The following FAP variants were observed in gnomAD, a reference collection of about 807,000 sequenced individuals.
The protein encoded by FAP is fibroblast activation protein alpha, also known as prolyl endopeptidase FAP.
FAP carries 110 observed loss-of-function variants against 126.5 expected under a neutral mutation model. The observed-to-expected ratio is 0.87, with a 90% CI of 0.74 to 1.02. The LOEUF (loss-of-function observed/expected upper bound fraction) is 1.02. Ranked by LOEUF, FAP falls within the 50% of genes least tolerant of loss-of-function variation. The probability of loss-of-function intolerance (pLI) is 0.00; values close to 1 mark genes in which losing one functional copy is unlikely to be tolerated. For synonymous variants in FAP, 334 were observed against 297.3 expected (o/e 1.12, Z -1.27); for missense variants, 919 against 909.2 (o/e 1.01, Z -0.14).
At chr2:162,230,399 A>G (rs1488568715) in intron 2 of FAP, among the ~76,000 whole-genome samples, 1 of 151,886 alleles carries the variant, frequency 6.6e-6, no homozygotes, top group African/African-American at 2.4e-5. Context: ...TTTATGTGGC[A>G]AAGAATTGTA....
intron 12 of FAP, among the ~76,000 whole-genome samples, 163 bp from the exon 13 acceptor site, chr2:162,203,308 T>C (rs185452922): frequency 6.6e-6 from 1 of 152,344 alleles, no homozygotes. Flanking sequence ...TTCTTTCAGA[T>C]AAACAGCTTA....
At chr2:162,189,304 A>G in intron 18 of FAP, 132 bp from the exon 19 acceptor site, 1 of 503,914 alleles carries the variant, frequency 2.0e-6, no homozygotes, top group Non-Finnish European at 3.4e-6. Flanking sequence ...GGATATATTT[A>G]AAAGTAACTT....
At position 162,210,018 on chromosome 2, in the gene FAP, C is replaced by T. The variant is rs181760422; in HGVS notation, c.1003-22G>A. ...GGGTCTAAAAGACAAAAGATCACAT[C>T]GAACATAGTATTAGGAGAACATTTT... is the stretch of plus-strand genomic sequence containing the variant. On this transcript the variant is annotated intron_variant, in intron 11 of 25. Transcript: ENST00000188790. 155 of 1,607,320 alleles carry T rather than the reference C, an allele frequency of 9.6e-5. 1 individual carries two copies. The African/African-American group carries it at 1.7e-3, about 18-fold the overall frequency.
At chr2:162,178,698 TC>T (rs555362066) in intron 21 of FAP, among the ~76,000 whole-genome samples, 205 of 152,302 alleles carry the variant, frequency 1.3e-3, no homozygotes, top group African/African-American at 4.6e-3. Flanking sequence ...TTTCTTGAAC[TC>T]GATAATGGAG....
chr2:162,241,723 A>G (rs891155988), intron 2 of FAP, among the ~76,000 whole-genome samples: 3 of 152,188 alleles, frequency 2.0e-5, no homozygotes, highest in Non-Finnish European at 4.4e-5. Context: ...GAGTCTGAAA[A>G]CAATTTTAAC....
intron 2 of FAP, among the ~76,000 whole-genome samples, chr2:162,234,997 G>C (rs564557807): frequency 9.2e-5 from 14 of 152,126 alleles, no homozygotes; most frequent in Non-Finnish European, 7.4e-5. Context: ...CAGCAGCTGC[G>C]GAGGGCGAAC....
At chr2:162,195,391 C>A (rs1458108579) in intron 16 of FAP, among the ~76,000 whole-genome samples, 2 of 151,716 alleles carry the variant, frequency 1.3e-5, no homozygotes, top group Non-Finnish European at 2.9e-5. Flanking sequence ...ACATAGAGAC[C>A]CCTAGATAGC....
chr2:162,194,802 T>C, intron 16 of FAP, 54 bp from the exon 17 acceptor site: 3 of 1,496,700 alleles, frequency 2.0e-6, no homozygotes, highest in Non-Finnish European at 2.8e-6. Flanking sequence ...AACAATTCCT[T>C]TTCAAGACGG....
In FAP at chr2:162,197,307, C is replaced by T. The variant is rs574567022; in HGVS notation, c.1402+1450G>A. On this transcript the variant is annotated intron_variant, in intron 16 of 25. Transcript: ENST00000188790. The stretch of plus-strand genomic sequence containing the variant: ...TTAAAAGAATGTAGCCCCTGCCTTC[C>T]AGGAGAAAAAGATAGATAAACAGAT... 3.3e-5 allele frequency among the ~76,000 whole-genome samples: 5 copies of T among 152,242 alleles called. No homozygotes were observed. In the East Asian group the frequency reaches 9.7e-4, roughly 29 times the overall value.
chr2:162,240,901 C>T (rs141041906), intron 2 of FAP, among the ~76,000 whole-genome samples: 402 of 152,158 alleles, frequency 2.6e-3, no homozygotes, highest in African/African-American at 9.2e-3. Flanking sequence ...GCACTCCAGA[C>T]GGGAGATGAT....
In FAP at chr2:162,219,900, G is replaced by A. The variant is rs1222599559; in HGVS notation, c.439C>T (p.Pro147Ser). The A allele has an allele frequency of 6.2e-7, 1 of 1,612,596 alleles. No homozygotes were observed. The highest frequency in any genetic ancestry group is 1.7e-5 in the Admixed American group (1 of 59,958). Reference sequence around the variant, plus strand: ...CAGCATAAATACTGAATTGGACGAGGAAGCTCATTTCCTCTTACAAATTCT... The same window carrying A: ...CAGCATAAATACTGAATTGGACGAGAAAGCTCATTTCCTCTTACAAATTCT... ...NGEFVRGNEL[P>S]RPIQYLCWSP... is the part of the protein sequence containing the mutation. The change falls in exon 7 of 26, where the codon CCT (proline) becomes TCT (serine). Residue 147 changes from proline (P) to serine (S), a missense_variant. Pro to Ser is a moderately conservative substitution (Grantham distance 74). Coordinates refer to ENST00000188790, the MANE Select transcript of FAP (RefSeq NM_004460.5).
intron 16 of FAP, chr2:162,197,680 G>T: frequency 2.2e-6 from 1 of 456,436 alleles, no homozygotes; most frequent in Non-Finnish European, 4.4e-6. Flanking sequence ...ACTGAGGGAA[G>T]TGGCATGTTA....
intron 2 of FAP, among the ~76,000 whole-genome samples, chr2:162,239,413 C>T (rs1416446398): frequency 6.6e-6 from 1 of 151,912 alleles, no homozygotes; most frequent in Non-Finnish European, 1.5e-5. Context: ...TTTCTTCTTT[C>T]CTTTTGTTTT....
At chr2:162,203,210 T>G (rs781637867) in intron 12 of FAP, 65 bp from the exon 13 acceptor site, 128 of 1,115,778 alleles carry the variant, frequency 1.1e-4, no homozygotes, top group Middle Eastern at 3.0e-4. Flanking sequence ...GATTTTGTTT[T>G]AATATATAAA....
At chr2:162,226,235 T>C (rs1006523741) in intron 3 of FAP, among the ~76,000 whole-genome samples, 1 of 152,196 alleles carries the variant, frequency 6.6e-6, no homozygotes, top group African/African-American at 2.4e-5. Context: ...AATAGGAATA[T>C]ATCTACCATT....
intron 4 of FAP, 90 bp downstream of exon 4, chr2:162,225,393 A>G: frequency 6.6e-7 from 1 of 1,504,158 alleles, no homozygotes; most frequent in Non-Finnish European, 9.0e-7. Context: ...AGTTGTGTCC[A>G]GATCAGGTGC....
Position 162,194,331 on chromosome 2 carries a change from GGA to G in FAP, c.1450+368_1450+369del, listed in dbSNP as rs1491309793. ...ACAACCCCCTACCCCCAATCCCTGAGGAAAAAAAAAAAAAAACACCCTAGGGA... is the reference window on the plus strand; with the variant it reads ...ACAACCCCCTACCCCCAATCCCTGAGAAAAAAAAAAAAAACACCCTAGGGA... On this transcript the variant is annotated intron_variant, in intron 17 of 25. Coordinates refer to ENST00000188790, the MANE Select transcript of FAP (RefSeq NM_004460.5). Among the ~76,000 whole-genome samples the G allele has an allele frequency of 7.6e-5, 10 of 131,056 alleles. No individual in the cohort carries two copies. The Admixed American group carries it at 7.8e-4, about 10-fold the overall frequency. The allele number at this position is 131,056 out of a possible 152,430, so 86.0% of individuals were successfully genotyped here.
At position 162,215,810 on chromosome 2, in the gene FAP, C is replaced by T. The variant is rs116019150; in HGVS notation, c.866+88G>A. On this transcript the variant is annotated intron_variant, in intron 10 of 25. Transcript: ENST00000188790. ...CTTTAGCTTTGTGTGCAACTCTTAT[C>T]TACTTATTTGTTTTTGCTTCTAGCA... is the stretch of plus-strand genomic sequence containing the variant. 694 of 858,496 alleles carry T rather than the reference C, an allele frequency of 8.1e-4. 3 individuals carry two copies. In the African/African-American group the frequency reaches 1.0e-2, roughly 12 times the overall value. 53.2% of individuals were successfully genotyped at this position (858,496 alleles called of 1,614,324 possible).
intron 21 of FAP, among the ~76,000 whole-genome samples, chr2:162,178,480 C>T (rs1273163667): frequency 1.3e-5 from 2 of 152,094 alleles, no homozygotes; most frequent in Admixed American, 6.6e-5. Flanking sequence ...ACTCCCCCAG[C>T]GTGACAATTA....
Sources: allele counts gnomAD v4.1 joint callset (sites outside exome capture counted in the v4.1 genomes callset), GRCh38; gene constraint gnomAD v4.1.1; transcripts MANE v1.5; gene names NCBI Gene and HGNC (gene_info 2026-07-23, HGNC 2026-07-21).